The following PUDP variants were observed in gnomAD, a reference collection of about 807,000 sequenced individuals.
The protein encoded by PUDP is pseudouridine 5'-phosphatase, also known as pseudouridine-5'-phosphatase.
Under a neutral mutation model 9.4 loss-of-function variants are expected in PUDP, and 8 were observed. The ratio of observed to expected loss-of-function variants is 0.85; its 90% CI spans 0.50 to 1.53. The LOEUF (loss-of-function observed/expected upper bound fraction) is 1.53. Among genes scored for constraint, PUDP ranks in the 40% most tolerant of loss-of-function variants. The probability of loss-of-function intolerance (pLI) is 0.00; values close to 1 mark genes in which losing one functional copy is unlikely to be tolerated. For synonymous variants in PUDP, 99 were observed against 80.7 expected, an observed-to-expected ratio of 1.23 and a Z score of -1.22; for missense variants, 188 against 189.7, an observed-to-expected ratio of 0.99 and a Z score of 0.05.
intron 3 of PUDP, among the ~76,000 whole-genome samples, chrX:6,804,482 G>GA (rs1171593686): frequency 3.6e-5 from 4 of 111,513 alleles, no homozygotes; most frequent in East Asian, 2.8e-4. Context: ...ATTGAATGGT[G>GA]AAAAAAAATG....
chrX:7,054,795 G>A (rs1407428463), intron 3 of PUDP, among the ~76,000 whole-genome samples: 2 of 111,979 alleles, frequency 1.8e-5, no homozygotes, highest in Non-Finnish European at 3.8e-5. Flanking sequence ...GTCCGCTAAC[G>A]AGAATTCCAT....
chrX:6,761,036 T>C (rs1029638991), intron 3 of PUDP, among the ~76,000 whole-genome samples: 13 of 111,205 alleles, frequency 1.2e-4, no homozygotes, highest in Non-Finnish European at 1.7e-4. Flanking sequence ...GTTTGTTTGT[T>C]TGTTTGTTTG....
chrX:6,950,144 C>T (rs1415343436), intron 3 of PUDP, among the ~76,000 whole-genome samples: 1 of 108,834 alleles, frequency 9.2e-6, no homozygotes, highest in East Asian at 3.0e-4. Context: ...TTAAGACCAG[C>T]CTGGCCAACG....
chrX:7,062,551 G>GTCT (rs1216817703), intron 3 of PUDP, among the ~76,000 whole-genome samples: 1 of 111,007 alleles, frequency 9.0e-6, no homozygotes, highest in Non-Finnish European at 1.9e-5. Flanking sequence ...AGTGTGGAGA[G>GTCT]GCTTGTCAGG....
At chrX:6,835,576 T>C (rs1043248442) in intron 3 of PUDP, among the ~76,000 whole-genome samples, 6 of 111,846 alleles carry the variant, frequency 5.4e-5, no homozygotes, top group African/African-American at 1.9e-4. Context: ...AATGAAAAGA[T>C]TATTTCCTGA....
At chrX:7,050,578 G>C in intron 3 of PUDP, 106 bp from the exon 4 acceptor site, 2 of 736,939 alleles carry the variant, frequency 2.7e-6, no homozygotes, top group Non-Finnish European at 4.0e-6. Context: ...TGCAGAAAGA[G>C]ACAGAATTAC....
At chrX:7,070,966 T>C (rs1930713434) in intron 3 of PUDP, among the ~76,000 whole-genome samples, 1 of 111,924 alleles carries the variant, frequency 8.9e-6, no homozygotes. Flanking sequence ...GTTACAGAGG[T>C]CAGCTCACAC....
intron 1 of PUDP, among the ~76,000 whole-genome samples, chrX:7,039,160 A>T (rs1929890138): frequency 9.0e-6 from 1 of 110,752 alleles, no homozygotes; most frequent in Non-Finnish European, 1.9e-5. Context: ...TAAACTTTTC[A>T]GCTCAGCGAT....
intron 1 of PUDP, among the ~76,000 whole-genome samples, chrX:6,995,384 A>G (rs778183411): frequency 9.5e-4 from 106 of 111,828 alleles, no homozygotes; most frequent in Non-Finnish European, 4.1e-4. Flanking sequence ...AAGTGTAGAA[A>G]AAGTATCAGG....
intron 3 of PUDP, among the ~76,000 whole-genome samples, chrX:6,909,531 C>T (rs6638634): frequency 0.21 from 23,023 of 111,379 alleles, 1,926 homozygotes; most frequent in Admixed American, 0.35. Flanking sequence ...TTTGTAAATA[C>T]AGCTTTTTTG....
At chrX:6,891,934 C>T (rs777378327) in intron 3 of PUDP, among the ~76,000 whole-genome samples, 2 of 111,839 alleles carry the variant, frequency 1.8e-5, no homozygotes, top group South Asian at 3.7e-4. Context: ...TGGACAGATC[C>T]CATGGCCAAG....
At chrX:6,752,480 A>G (rs999154516) in intron 3 of PUDP, among the ~76,000 whole-genome samples, 1 of 111,929 alleles carries the variant, frequency 8.9e-6, no homozygotes, top group African/African-American at 3.2e-5. Context: ...TAAAAGCCAC[A>G]CTGTGCTCAG....
intron 3 of PUDP, among the ~76,000 whole-genome samples, chrX:6,790,906 T>C (rs1202919597): frequency 8.9e-6 from 1 of 112,108 alleles, no homozygotes; most frequent in Non-Finnish European, 1.9e-5. Context: ...ACATTGTACG[T>C]AAATTTACAC....
chrX:7,058,337 C>G (rs1930305476), intron 3 of PUDP, among the ~76,000 whole-genome samples: 1 of 112,083 alleles, frequency 8.9e-6, no homozygotes, highest in Admixed American at 9.4e-5. Context: ...CTGAAGGGTA[C>G]TTTCAGGGCT....
chrX:7,148,014 G>A (rs1330132446), intron 1 of PUDP, 39 bp downstream of exon 1: 14 of 1,079,326 alleles, frequency 1.3e-5, no homozygotes, highest in African/African-American at 2.0e-5. Flanking sequence ...GCCCACACAA[G>A]ACCGCCCTTA....
intron 3 of PUDP, among the ~76,000 whole-genome samples, chrX:7,066,252 A>G (rs980789211): frequency 8.9e-6 from 1 of 111,840 alleles, no homozygotes; most frequent in African/African-American, 3.3e-5. Flanking sequence ...TTGTACTAAT[A>G]GTGGCTACTA....
intron 3 of PUDP, among the ~76,000 whole-genome samples, chrX:6,922,483 G>A (rs998845862): frequency 8.0e-5 from 9 of 112,188 alleles, no homozygotes; most frequent in South Asian, 3.7e-4. Context: ...AGATCATGCC[G>A]AATGGCTTCA....
At chrX:7,083,344 A>C (rs1931162414) in intron 2 of PUDP, among the ~76,000 whole-genome samples, 1 of 112,096 alleles carries the variant, frequency 8.9e-6, no homozygotes, top group African/African-American at 3.2e-5. Context: ...ATCCAGAGAA[A>C]AGTGGGCGAG....
chrX:6,799,178 C>T (rs922954142), intron 3 of PUDP, among the ~76,000 whole-genome samples: 11 of 112,157 alleles, frequency 9.8e-5, no homozygotes, highest in South Asian at 3.7e-4. Flanking sequence ...TCCTTTAAAA[C>T]GAGTTCTTAA....
Sources: gnomAD v4.1 joint callset for allele counts (sites outside exome capture counted in the v4.1 genomes callset) on GRCh38, gnomAD v4.1.1 for gene constraint, MANE v1.5 for transcripts, NCBI Gene and HGNC (gene_info 2026-07-23, HGNC 2026-07-21) for gene names.